FBXO42: variants seen among roughly 807,000 people sequenced by gnomAD.
FBXO42 encodes the protein F-box protein 42.
Under a neutral mutation model 71.7 loss-of-function variants are expected in FBXO42, and 12 were observed. The observed-to-expected ratio is 0.17, with a 90% CI of 0.11 to 0.27. The LOEUF (loss-of-function observed/expected upper bound fraction) is 0.27. Among genes scored for constraint, FBXO42 ranks in the 10% least tolerant of loss-of-function variants. The pLI is 1.00. For missense variants in FBXO42, 707 were observed against 911.9 expected, an observed-to-expected ratio of 0.78 and a Z score of 2.89; for synonymous variants, 325 against 327.5, an observed-to-expected ratio of 0.99 and a Z score of 0.08.
Position 16,269,030 on chromosome 1 carries a change from C to T in FBXO42, c.503-12271G>A, listed in dbSNP as rs556925545. Among the ~76,000 whole-genome samples, 63 of 151,580 alleles carry T rather than the reference C, an allele frequency of 4.2e-4. 1 individual carries two copies. Among genetic ancestry groups the T allele is most frequent in the Admixed American group, 1.4e-3 (21 of 15,266 alleles). On this transcript the variant is annotated intron_variant, in intron 4 of 9. Transcript: ENST00000375592. ...TTCACCATGTTGGCCAGGCTGGTCTCGAACTCCTGACCTCGTGATCCACCC... is the reference window on the plus strand; with the variant it reads ...TTCACCATGTTGGCCAGGCTGGTCTTGAACTCCTGACCTCGTGATCCACCC...
intron 4 of FBXO42, among the ~76,000 whole-genome samples, chr1:16,260,313 A>G (rs1344973348): frequency 1.3e-5 from 2 of 149,456 alleles, no homozygotes; most frequent in Non-Finnish European, 3.0e-5. Context: ...GGTTCAAATT[A>G]TTCTCCTGTC....
chr1:16,279,854 C>CTTTTCTTTTCT (rs144698838), intron 4 of FBXO42, among the ~76,000 whole-genome samples: 5 of 138,168 alleles, frequency 3.6e-5, no homozygotes, highest in Admixed American at 7.3e-5. Context: ...TTTTTTTTTT[C>CTTTTCTTTTCT]TTTTTTTTTT....
intron 1 of FBXO42, among the ~76,000 whole-genome samples, chr1:16,337,606 G>A (rs1382726744): frequency 6.6e-6 from 1 of 152,018 alleles, no homozygotes; most frequent in Non-Finnish European, 1.5e-5. Flanking sequence ...GGCCAGGCCA[G>A]GCACAGTGGC....
chr1:16,332,046 T>A (rs2082505939), intron 1 of FBXO42, among the ~76,000 whole-genome samples: 1 of 150,336 alleles, frequency 6.7e-6, no homozygotes, highest in Non-Finnish European at 1.5e-5. Flanking sequence ...CAAAACTCCA[T>A]CTCCAAAAAA....
At chr1:16,314,437 C>T (rs939496625) in intron 2 of FBXO42, among the ~76,000 whole-genome samples, 2 of 152,206 alleles carry the variant, frequency 1.3e-5, no homozygotes, top group Admixed American at 6.5e-5. Flanking sequence ...CCTGCATTTA[C>T]TATCCGTGTA....
At chr1:16,263,665 G>A (rs910276557) in intron 4 of FBXO42, among the ~76,000 whole-genome samples, 1 of 150,560 alleles carries the variant, frequency 6.6e-6, no homozygotes, top group Non-Finnish European at 1.5e-5. Context: ...AGAGGTTGCA[G>A]TGAGCCAAGA....
At chr1:16,268,037 T>C (rs1390390627) in intron 4 of FBXO42, among the ~76,000 whole-genome samples, 1 of 151,966 alleles carries the variant, frequency 6.6e-6, no homozygotes, top group Non-Finnish European at 1.5e-5. Flanking sequence ...CCATTTCAAG[T>C]AGTCTTTTGA....
At position 16,308,485 on chromosome 1, in the gene FBXO42, C is replaced by A. The variant is rs567254371; in HGVS notation, c.251-2566G>T. On this transcript the variant is annotated intron_variant, in intron 2 of 9. Transcript: ENST00000375592. ...TTTCAGCCTGGGAAACACAGTGAGA[C>A]CCATCTCTCTTTTTTTTTTTTTTTT... Among the ~76,000 whole-genome samples, 11 of 148,990 alleles carry A rather than the reference C, an allele frequency of 7.4e-5. No individual in the cohort carries two copies. The East Asian group carries it at 9.8e-4, about 13-fold the overall frequency.
chr1:16,329,001 A>G (rs931029139), intron 1 of FBXO42, among the ~76,000 whole-genome samples: 15 of 151,882 alleles, frequency 9.9e-5, no homozygotes, highest in African/African-American at 3.6e-4. Flanking sequence ...CATCTCTACT[A>G]AAAATACAAA....
rs1021737383 is a variant in FBXO42, at chr1:16,331,472, C to T, written c.-17-16037G>A. ...AATAATTTAATTAAAAAGTAAAAAC[C>T]GGCTTGGTGCGGTGGCTCATGCCTG... On this transcript the variant is annotated intron_variant, in intron 1 of 9. Coordinates refer to ENST00000375592, the MANE Select transcript of FBXO42 (RefSeq NM_018994.3). Among the ~76,000 whole-genome samples the T allele has an allele frequency of 5.4e-5, 8 of 147,550 alleles. 1 individual carries two copies. In the South Asian group the frequency reaches 6.4e-4, roughly 12 times the overall value.
chr1:16,340,369 A>G (rs1046889282), intron 1 of FBXO42, among the ~76,000 whole-genome samples: 8 of 151,640 alleles, frequency 5.3e-5, no homozygotes, highest in African/African-American at 1.9e-4. Flanking sequence ...CCTAGGCTAG[A>G]GTGAAATAGT....
intron 2 of FBXO42, 143 bp downstream of exon 2, chr1:16,315,026 G>A (rs1402189509): frequency 2.4e-6 from 2 of 834,844 alleles, no homozygotes; most frequent in East Asian, 5.4e-5. Flanking sequence ...ACCAGGGTAA[G>A]AAAGAAAACC....
intron 1 of FBXO42, among the ~76,000 whole-genome samples, chr1:16,350,067 T>C (rs955165554): frequency 6.6e-6 from 1 of 152,228 alleles, no homozygotes; most frequent in Non-Finnish European, 1.5e-5. Context: ...TTAAACCACA[T>C]AAAGCTGTTA....
At chr1:16,351,729 C>G (rs1321186076) in intron 1 of FBXO42, among the ~76,000 whole-genome samples, 1 of 152,164 alleles carries the variant, frequency 6.6e-6, no homozygotes, top group African/African-American at 2.4e-5. Flanking sequence ...ATCCGCAGTT[C>G]CCATTTCTCT....
At chr1:16,296,690 A>C (rs1265450837) in intron 3 of FBXO42, among the ~76,000 whole-genome samples, 1 of 151,900 alleles carries the variant, frequency 6.6e-6, no homozygotes, top group African/African-American at 2.4e-5. Flanking sequence ...AACACCAACA[A>C]GAAATTCACA....
At chr1:16,312,098 C>G (rs572902618) in intron 2 of FBXO42, among the ~76,000 whole-genome samples, 3 of 152,168 alleles carry the variant, frequency 2.0e-5, no homozygotes, top group Admixed American at 1.3e-4. Flanking sequence ...GTGGCTCACA[C>G]CTGTAATCCC....
At chr1:16,320,152 G>C (rs558041397) in intron 1 of FBXO42, among the ~76,000 whole-genome samples, 28 of 152,006 alleles carry the variant, frequency 1.8e-4, no homozygotes, top group South Asian at 1.5e-3. Context: ...CTGAGGTCAG[G>C]AGTTCAAGAC....
chr1:16,272,757 T>G (rs1383064573), intron 4 of FBXO42, among the ~76,000 whole-genome samples: 2 of 152,174 alleles, frequency 1.3e-5, no homozygotes, highest in African/African-American at 2.4e-5. Flanking sequence ...TCATCGAAAT[T>G]TGTGTACATA....
chr1:16,316,796 C>G (rs1569914143), intron 1 of FBXO42, among the ~76,000 whole-genome samples: 1 of 145,834 alleles, frequency 6.9e-6, no homozygotes, highest in East Asian at 2.0e-4. Flanking sequence ...TGCTAAAATA[C>G]CAAATACAAG....
Sources: gnomAD v4.1 joint callset for allele counts (sites outside exome capture counted in the v4.1 genomes callset) on GRCh38, gnomAD v4.1.1 for gene constraint, MANE v1.5 for transcripts, NCBI Gene and HGNC (gene_info 2026-07-23, HGNC 2026-07-21) for gene names.